Variants in ACADSB observed in about 807,000 individuals in gnomAD.
The protein encoded by ACADSB is short/branched chain specific acyl-CoA dehydrogenase, mitochondrial.
In ACADSB, 40 loss-of-function variants were observed where a neutral mutation model predicts 54.1. The ratio of observed to expected loss-of-function variants is 0.74; its 90% CI spans 0.57 to 0.96. The LOEUF is 0.96. Among genes scored for constraint, ACADSB ranks in the 40% least tolerant of loss-of-function variants. The probability of loss-of-function intolerance (pLI) is 0.00; values close to 1 mark genes in which losing one functional copy is unlikely to be tolerated. For synonymous variants in ACADSB, 182 were observed against 182.8 expected, an observed-to-expected ratio of 1.00 and a Z score of 0.03; for missense variants, 530 against 510.4, an observed-to-expected ratio of 1.04 and a Z score of -0.37.
rs1850677231 is a variant in ACADSB, at chr10:123,054,350, G to A, written c.*585G>A. ...TTTATATTATCATTCTAGTTTCAGA[G>A]TATACAGAAGTTTCATCCCATCATT... On this transcript the variant is annotated 3_prime_UTR_variant, in exon 11 of 11. Coordinates refer to ENST00000358776, the MANE Select transcript of ACADSB (RefSeq NM_001609.4). 1 of 153,142 alleles carries A rather than the reference G, an allele frequency of 6.5e-6. No individual in the cohort carries two copies. The highest frequency in any genetic ancestry group is 1.9e-4 in the East Asian group (1 of 5,220). The allele number at this position is 153,142 out of a possible 1,614,324, so 9.5% of individuals were successfully genotyped here.
chr10:123,032,239 A>T (rs1037300242), intron 1 of ACADSB, among the ~76,000 whole-genome samples: 1 of 152,034 alleles, frequency 6.6e-6, no homozygotes, highest in African/African-American at 2.4e-5. Context: ...TCGGCCTCCC[A>T]AAGTGCTCGG....
At chr10:123,031,931 T>G (rs1281053680) in intron 1 of ACADSB, among the ~76,000 whole-genome samples, 2 of 152,162 alleles carry the variant, frequency 1.3e-5, no homozygotes, top group Non-Finnish European at 2.9e-5. Context: ...GGTATTAATG[T>G]AAGATCCACT....
intron 1 of ACADSB, among the ~76,000 whole-genome samples, chr10:123,022,019 C>G (rs916824810): frequency 1.3e-5 from 2 of 151,734 alleles, no homozygotes; most frequent in Non-Finnish European, 2.9e-5. Flanking sequence ...AAGCTTCTTT[C>G]CAGCAAAACA....
chr10:123,056,957 C>T lies in ACADSB; in HGVS notation c.*3192C>T, dbSNP rs1453795588. On this transcript the variant is annotated 3_prime_UTR_variant, in exon 11 of 11. Coordinates refer to ENST00000358776, the MANE Select transcript of ACADSB (RefSeq NM_001609.4). Reference sequence around the variant, plus strand: ...CTTGAATCCGAAGAGATAAAGCTTACTTGACTTTCAAATGGAGAGATGATG... The same window carrying T: ...CTTGAATCCGAAGAGATAAAGCTTATTTGACTTTCAAATGGAGAGATGATG... 2 of 152,648 alleles carry T rather than the reference C, an allele frequency of 1.3e-5. No homozygotes were observed. The highest frequency in any genetic ancestry group is 2.9e-5 in the Non-Finnish European group (2 of 68,030). 9.5% of individuals were successfully genotyped at this position (152,648 alleles called of 1,614,324 possible). A position where few individuals can be genotyped will look rare whatever the true frequency, so the allele number is the denominator to read the frequency against.
chr10:123,047,004 C>G (rs1358383392), intron 7 of ACADSB, among the ~76,000 whole-genome samples: 1 of 152,200 alleles, frequency 6.6e-6, no homozygotes, highest in Non-Finnish European at 1.5e-5. Context: ...TGAAATCACT[C>G]AAAATTTTCT....
At chr10:123,044,506 T>G in intron 7 of ACADSB, 21 bp downstream of exon 7, 2 of 1,572,562 alleles carry the variant, frequency 1.3e-6, no homozygotes, top group Non-Finnish European at 1.8e-6. Context: ...TTTAAACTCT[T>G]CCATGATGTG....
chr10:123,017,098 T>C (rs926261181), intron 1 of ACADSB, among the ~76,000 whole-genome samples: 3 of 152,094 alleles, frequency 2.0e-5, no homozygotes, highest in African/African-American at 7.2e-5. Flanking sequence ...AAAAAGAGGG[T>C]GAGTTGAAGA....
intron 1 of ACADSB, among the ~76,000 whole-genome samples, chr10:123,031,496 T>G (rs117838914): frequency 6.6e-6 from 1 of 152,284 alleles, no homozygotes; most frequent in East Asian, 1.9e-4. Flanking sequence ...ATCATTTTGA[T>G]GGAGAGGACA....
chr10:123,041,185 G>A, intron 4 of ACADSB, 24 bp from the exon 5 acceptor site: 1 of 1,612,500 alleles, frequency 6.2e-7, no homozygotes, highest in East Asian at 2.2e-5. Flanking sequence ...TATTAATTTG[G>A]ACATTTTTTT....
At chr10:123,014,876 T>A (rs1278461589) in intron 1 of ACADSB, among the ~76,000 whole-genome samples, 1 of 152,166 alleles carries the variant, frequency 6.6e-6, no homozygotes, top group Admixed American at 6.5e-5. Context: ...TCAGCTTGTT[T>A]AAGAAATAAT....
chr10:123,009,969 C>G (rs530201024), intron 1 of ACADSB, among the ~76,000 whole-genome samples: 3 of 152,372 alleles, frequency 2.0e-5, no homozygotes, highest in African/African-American at 7.2e-5. Flanking sequence ...CCAACTGCTG[C>G]TTCAGTCTTA....
At position 123,026,856 on chromosome 10, in the gene ACADSB, A is replaced by G. The variant is rs114836218; in HGVS notation, c.43-7500A>G. ...TAAGAGAACACTAGAAGGATACGTA[A>G]GAAACTAATTTAAAAAAAAAAGAAA... On this transcript the variant is annotated intron_variant, in intron 1 of 10. Transcript: ENST00000358776. 3.9e-3 allele frequency among the ~76,000 whole-genome samples: 601 copies of G among 152,232 alleles called. 2 individuals are homozygous for G. The highest frequency in any genetic ancestry group is 0.014 in the African/African-American group (573 of 41,538).
At position 123,050,239 on chromosome 10, in the gene ACADSB, A is replaced by T. The variant is rs181915472; in HGVS notation, c.991-810A>T. Among the ~76,000 whole-genome samples the T allele has an allele frequency of 2.6e-5, 4 of 152,330 alleles. No individual in the cohort carries two copies. In the East Asian group the frequency reaches 7.7e-4, roughly 29 times the overall value. On this transcript the variant is annotated intron_variant, in intron 8 of 10. Transcript: ENST00000358776. Reference sequence around the variant, plus strand: ...TTCACTGTCTTAATATTCATCACACATTATTATAATTATTTAATTGTCTGT... The same window carrying T: ...TTCACTGTCTTAATATTCATCACACTTTATTATAATTATTTAATTGTCTGT...
chr10:123,042,767 A>G (rs929663224), intron 5 of ACADSB, among the ~76,000 whole-genome samples: 2 of 152,162 alleles, frequency 1.3e-5, no homozygotes, highest in Non-Finnish European at 2.9e-5. Flanking sequence ...ATATAGTAAA[A>G]TTAAATTGAG....
rs140740981 is a variant in ACADSB at position 123,052,027 on chromosome 10, C to G, written c.1128+841C>G. 9.2e-3 allele frequency among the ~76,000 whole-genome samples: 1,403 copies of G among 152,302 alleles called. 23 individuals are homozygous for G. Among genetic ancestry groups the G allele is most frequent in the African/African-American group, 0.031 (1,306 of 41,550 alleles). On this transcript the variant is annotated intron_variant, in intron 9 of 10. Coordinates refer to ENST00000358776, the MANE Select transcript of ACADSB (RefSeq NM_001609.4). This position sits in a 1 kb window ranked among gnomAD's most constrained non-coding sequence, Gnocchi z 4.2. ...GTACTTCAGTCACCTCACTGCCCTC[C>G]TGGTCCCTGGTGCTTCCTCCCATCC... is the stretch of plus-strand genomic sequence containing the variant.
chr10:123,025,164 AAGGCTTTT>A (rs1447140775), intron 1 of ACADSB, among the ~76,000 whole-genome samples: 1 of 152,192 alleles, frequency 6.6e-6, no homozygotes, highest in Non-Finnish European at 1.5e-5. Flanking sequence ...ATGAAAATAA[AAGGCTTTT>A]AGGCCAGGCA....
chr10:123,048,351 A>G (rs559524166), intron 8 of ACADSB, among the ~76,000 whole-genome samples: 30 of 152,166 alleles, frequency 2.0e-4, no homozygotes, highest in Non-Finnish European at 4.0e-4. Context: ...TGTCATTCCC[A>G]TCTTATGCCT....
intron 7 of ACADSB, among the ~76,000 whole-genome samples, chr10:123,046,631 T>C (rs1850563634): frequency 6.6e-6 from 1 of 152,230 alleles, no homozygotes; most frequent in South Asian, 2.1e-4. Context: ...TGGGTATCAG[T>C]ATTGTTTTAA....
chr10:123,038,010 A>G (rs372811950), intron 3 of ACADSB, among the ~76,000 whole-genome samples, 163 bp downstream of exon 3: 2 of 152,334 alleles, frequency 1.3e-5, no homozygotes, highest in Admixed American at 1.3e-4. Flanking sequence ...TAAAAATGGA[A>G]TTAACATTTT....
Sources: gnomAD v4.1 joint callset for allele counts (sites outside exome capture counted in the v4.1 genomes callset) on GRCh38, gnomAD v4.1.1 for gene constraint, Gnocchi (gnomAD v3.1) non-coding constraint, MANE v1.5 for transcripts, NCBI Gene and HGNC (gene_info 2026-07-23, HGNC 2026-07-21) for gene names.